EGFLAM: variants seen among roughly 807,000 people sequenced by gnomAD.
EGFLAM encodes EGF like, fibronectin type III and laminin G domains, also known as pikachurin.
EGFLAM carries 79 observed loss-of-function variants against 113.1 expected under a neutral mutation model. The observed-to-expected ratio is 0.70, with a 90% confidence interval of 0.58 to 0.84. The LOEUF (loss-of-function observed/expected upper bound fraction) is 0.84. Among genes scored for constraint, EGFLAM ranks in the 40% least tolerant of loss-of-function variants. The pLI, the probability that EGFLAM is intolerant of heterozygous loss-of-function variation, is 0.00. For missense variants in EGFLAM, 1,265 were observed against 1,291.6 expected (o/e 0.98, Z 0.32); for synonymous variants, 504 against 487.6 (o/e 1.03, Z -0.44).
At chr5:38,367,254 C>T (rs1279015270) in intron 5 of EGFLAM, among the ~76,000 whole-genome samples, 1 of 151,438 alleles carries the variant, frequency 6.6e-6, no homozygotes. Flanking sequence ...TCAAGCAATC[C>T]TCCCACCCCA....
At chr5:38,260,964 T>G (rs1223422843) in intron 1 of EGFLAM, among the ~76,000 whole-genome samples, 1 of 152,212 alleles carries the variant, frequency 6.6e-6, no homozygotes, top group East Asian at 1.9e-4. Context: ...GTACCTTGTT[T>G]CCTCAACAGA....
chr5:38,337,635 T>C lies in EGFLAM; in HGVS notation c.207+6T>C, dbSNP rs1345665305. On this transcript the variant is annotated splice_donor_region_variant and intron_variant, in intron 2 of 21. Transcript: ENST00000322350. ...GTCCCATCCTTGGGTACACTGTGAG[T>C]ACACGGGCATGGGAGTTTCCTCGGT... 6.3e-7 allele frequency: 1 copy of C among 1,588,846 alleles called. No individual in the cohort carries two copies. Among genetic ancestry groups the C allele is most frequent in the African/African-American group, 1.3e-5 (1 of 74,522 alleles).
chr5:38,353,160 A>G (rs1739675516), intron 5 of EGFLAM, among the ~76,000 whole-genome samples: 1 of 152,216 alleles, frequency 6.6e-6, no homozygotes, highest in Admixed American at 6.5e-5. Flanking sequence ...CAGAGGGTAG[A>G]GAGTGATTGG....
At chr5:38,349,347 G>T (rs949501961) in intron 3 of EGFLAM, among the ~76,000 whole-genome samples, 1 of 152,168 alleles carries the variant, frequency 6.6e-6, no homozygotes, top group African/African-American at 2.4e-5. Context: ...AGGGAGCCTA[G>T]GTAAGCAGAG....
At chr5:38,401,484 T>C (rs940381084) in intron 6 of EGFLAM, among the ~76,000 whole-genome samples, 1 of 152,182 alleles carries the variant, frequency 6.6e-6, no homozygotes, top group African/African-American at 2.4e-5. Flanking sequence ...AATGACAAGA[T>C]TGGGCTGGAT....
intron 20 of EGFLAM, among the ~76,000 whole-genome samples, chr5:38,459,490 A>G (rs1428629284): frequency 2.6e-5 from 4 of 152,088 alleles, no homozygotes; most frequent in Non-Finnish European, 5.9e-5. Flanking sequence ...CCATATTTCT[A>G]ACAACATATT....
chr5:38,409,059 G>T lies in EGFLAM; in HGVS notation c.1304G>T (p.Gly435Val). ...TGTGGGGAGAACGAACACGGGAGGG[G>T]GGATTTCATGTCCCTGGCTATCATC... ...LYCGENEHGRGDFMSLAIIRR... is the reference protein window; with the variant it reads ...LYCGENEHGRVDFMSLAIIRR... Residue 435 changes from glycine to valine, a missense_variant, in exon 10 of 22, where the codon GGG (glycine) becomes GTG (valine). Gly to Val is a moderately radical substitution (Grantham distance 109). Transcript: ENST00000322350. 6.3e-7 allele frequency: 1 copy of T among 1,594,966 alleles called. No individual in the cohort carries two copies. The highest frequency in any genetic ancestry group is 1.1e-5 in the South Asian group (1 of 87,746).
At chr5:38,370,915 A>G (rs1740197039) in intron 6 of EGFLAM, among the ~76,000 whole-genome samples, 2 of 152,218 alleles carry the variant, frequency 1.3e-5, no homozygotes, top group Non-Finnish European at 2.9e-5. Context: ...AGGAGTATCA[A>G]AGAAGTTGAG....
chr5:38,259,246 AT>A (rs1351177674), intron 1 of EGFLAM, among the ~76,000 whole-genome samples: 1 of 152,072 alleles, frequency 6.6e-6, no homozygotes, highest in Non-Finnish European at 1.5e-5. Flanking sequence ...GAGCCCAGCC[AT>A]TTCCTGTTAA....
intron 5 of EGFLAM, among the ~76,000 whole-genome samples, chr5:38,363,470 A>C (rs1739980503): frequency 6.6e-6 from 1 of 152,208 alleles, no homozygotes; most frequent in South Asian, 2.1e-4. Flanking sequence ...TAGACAACAA[A>C]TCACAATGGT....
chr5:38,363,113 CT>C (rs368538146), intron 5 of EGFLAM, among the ~76,000 whole-genome samples: 11 of 150,404 alleles, frequency 7.3e-5, no homozygotes, highest in South Asian at 4.2e-4. Flanking sequence ...AATACTACAT[CT>C]TTTTTTTTTC....
At chr5:38,394,030 G>A (rs537404984) in intron 6 of EGFLAM, among the ~76,000 whole-genome samples, 2 of 152,118 alleles carry the variant, frequency 1.3e-5, no homozygotes, top group Non-Finnish European at 2.9e-5. Context: ...AGCCATCTCC[G>A]GCTAGGCCCA....
intron 1 of EGFLAM, among the ~76,000 whole-genome samples, chr5:38,304,615 A>G (rs553954266): frequency 1.3e-5 from 2 of 152,348 alleles, no homozygotes; most frequent in Admixed American, 1.3e-4. Context: ...AAACAGCTAC[A>G]GTAAAGTTCA....
chr5:38,305,816 C>T (rs1176619127), intron 1 of EGFLAM, among the ~76,000 whole-genome samples: 2 of 152,168 alleles, frequency 1.3e-5, no homozygotes, highest in Admixed American at 6.5e-5. Context: ...CTCGCTGTGA[C>T]CCCAGAAATG....
chr5:38,445,444 G>C (rs932634377), intron 17 of EGFLAM: 4 of 1,382,708 alleles, frequency 2.9e-6, no homozygotes, highest in South Asian at 3.3e-5. Context: ...TCAATAAGCC[G>C]AGAAGAGGTG....
intron 18 of EGFLAM, among the ~76,000 whole-genome samples, chr5:38,449,153 CT>C (rs1742822559): frequency 6.6e-6 from 1 of 152,176 alleles, no homozygotes; most frequent in Non-Finnish European, 1.5e-5. Flanking sequence ...TGCTATTCCC[CT>C]TTCTGCTCCC....
chr5:38,433,335 ACGTG>A (rs1441507175), intron 15 of EGFLAM, among the ~76,000 whole-genome samples: 2 of 152,232 alleles, frequency 1.3e-5, no homozygotes, highest in African/African-American at 4.8e-5. Context: ...TATGCAAGAC[ACGTG>A]GAAGAGCAGT....
chr5:38,368,354 T>C (rs754762719), intron 5 of EGFLAM, among the ~76,000 whole-genome samples: 1 of 152,192 alleles, frequency 6.6e-6, no homozygotes, highest in African/African-American at 2.4e-5. Context: ...CAGCCCTGCT[T>C]CCTCCATGGG....
intron 1 of EGFLAM, among the ~76,000 whole-genome samples, chr5:38,284,928 T>G (rs16903921): frequency 0.039 from 5,865 of 152,238 alleles, 379 homozygotes; most frequent in African/African-American, 0.13. Flanking sequence ...ACCTGATCCA[T>G]ACCCCATTCT....
Sources: gnomAD v4.1 joint callset for allele counts (sites outside exome capture counted in the v4.1 genomes callset) on GRCh38, gnomAD v4.1.1 for gene constraint, MANE v1.5 for transcripts, NCBI Gene and HGNC (gene_info 2026-07-23, HGNC 2026-07-21) for gene names.